ADGRB3: variants seen among roughly 807,000 people sequenced by gnomAD.
ADGRB3 encodes adhesion G protein-coupled receptor B3.
ADGRB3 carries 37 observed loss-of-function variants against 193.4 expected under a neutral mutation model. The observed-to-expected ratio is 0.19, with a 90% CI of 0.15 to 0.25. The LOEUF (loss-of-function observed/expected upper bound fraction) is 0.25. ADGRB3 is among the 10% of genes least tolerant of loss of function. The pLI is 1.00. For synonymous variants in ADGRB3, 690 were observed against 644.2 expected (o/e 1.07, Z -1.08); for missense variants, 1,637 against 1,852.9 (o/e 0.88, Z 2.14).
intron 17 of ADGRB3, among the ~76,000 whole-genome samples, chr6:69,224,681 A>G (rs899278388): frequency 6.6e-6 from 1 of 152,184 alleles, no homozygotes; most frequent in Admixed American, 6.5e-5. Context: ...ATCACATATA[A>G]TTGATCCATG....
intron 3 of ADGRB3, among the ~76,000 whole-genome samples, chr6:68,902,497 T>A (rs1382070791): frequency 1.3e-5 from 2 of 152,016 alleles, no homozygotes; most frequent in African/African-American, 4.8e-5. Context: ...GCTAGAAAAA[T>A]TTTAAAATGC....
At chr6:68,653,737 A>G (rs1056728214) in intron 3 of ADGRB3, among the ~76,000 whole-genome samples, 10 of 152,070 alleles carry the variant, frequency 6.6e-5, no homozygotes, top group Non-Finnish European at 1.2e-4. Flanking sequence ...CATGATTGTT[A>G]CAGAACTAAG....
At chr6:69,126,678 A>G (rs139048491) in intron 17 of ADGRB3, among the ~76,000 whole-genome samples, 3 of 152,222 alleles carry the variant, frequency 2.0e-5, no homozygotes, top group South Asian at 4.2e-4. Flanking sequence ...TTAAATGCCA[A>G]TCTCTTCCAG....
At chr6:69,063,149 A>G (rs894798393) in intron 16 of ADGRB3, 113 bp downstream of exon 16, 14 of 719,214 alleles carry the variant, frequency 1.9e-5, no homozygotes, top group Non-Finnish European at 3.0e-5. Flanking sequence ...TTGCAAATAT[A>G]TTAACTTGTT....
intron 3 of ADGRB3, among the ~76,000 whole-genome samples, chr6:68,904,048 A>G (rs1582301361): frequency 1.1e-5 from 1 of 91,182 alleles, no homozygotes. Context: ...GGAGGGAAGG[A>G]GGGAAGGAGG....
At chr6:69,070,724 G>A (rs530651085) in intron 16 of ADGRB3, among the ~76,000 whole-genome samples, 1 of 152,220 alleles carries the variant, frequency 6.6e-6, no homozygotes, top group African/African-American at 2.4e-5. Context: ...TACATTTTCA[G>A]TATGCATCCC....
chr6:68,834,678 G>C (rs1034007224), intron 3 of ADGRB3, among the ~76,000 whole-genome samples: 1 of 152,052 alleles, frequency 6.6e-6, no homozygotes, highest in Non-Finnish European at 1.5e-5. Flanking sequence ...AGTTAGTTTT[G>C]CTGGGTTTAT....
At chr6:69,041,311 G>C (rs1467332603) in intron 13 of ADGRB3, among the ~76,000 whole-genome samples, 2 of 151,560 alleles carry the variant, frequency 1.3e-5, no homozygotes, top group African/African-American at 4.9e-5. Context: ...ATTTTTCATA[G>C]ACATAAAGAT....
At chr6:69,018,111 T>C (rs1267444742) in intron 12 of ADGRB3, among the ~76,000 whole-genome samples, 1 of 151,934 alleles carries the variant, frequency 6.6e-6, no homozygotes, top group African/African-American at 2.4e-5. Flanking sequence ...AAAAGAAAAG[T>C]CGTCTATTTT....
At chr6:69,137,638 A>C in intron 17 of ADGRB3, among the ~76,000 whole-genome samples, 1 of 152,058 alleles carries the variant, frequency 6.6e-6, no homozygotes, top group East Asian at 1.9e-4. Flanking sequence ...CTCTACTAAA[A>C]ATACAAAAAT....
intron 3 of ADGRB3, among the ~76,000 whole-genome samples, chr6:68,676,407 A>G (rs79947127): frequency 0.24 from 36,127 of 148,218 alleles, 4,786 homozygotes; most frequent in East Asian, 0.51. Context: ...AAAAAAAAAA[A>G]AAAAGAAAAG....
In ADGRB3 at chr6:69,274,445, TTTCCTTCCTTCCTTCC is replaced by T; in HGVS notation, c.2814+35237_2814+35252del. ...GTTGTCTCTCACATTGGTGGTTGCA[TTTCCTTCCTTCCTTCC>T]TTCCTTCCTTCCTTCCTCCCTCCCT... On this transcript the variant is annotated intron_variant, in intron 20 of 31. Transcript: ENST00000370598. 2.4e-5 allele frequency among the ~76,000 whole-genome samples: 3 copies of T among 123,424 alleles called. No individual in the cohort carries two copies. The South Asian group carries it at 7.2e-4, about 30-fold the overall frequency. The allele number at this position is 123,424 out of a possible 152,430, so 81.0% of individuals were successfully genotyped here.
At chr6:69,324,280 T>C (rs1233248911) in intron 20 of ADGRB3, among the ~76,000 whole-genome samples, 3 of 152,194 alleles carry the variant, frequency 2.0e-5, no homozygotes, top group African/African-American at 7.2e-5. Context: ...TATAGAAGCA[T>C]TGTATTAAGT....
Position 68,808,356 on chromosome 6 carries a change from G to A in ADGRB3, c.758-122203G>A, listed in dbSNP as rs1282249937. 4.6e-5 allele frequency among the ~76,000 whole-genome samples: 7 copies of A among 151,558 alleles called. No homozygotes were observed. The East Asian group carries it at 5.8e-4, about 13-fold the overall frequency. ...CTCAGATACCATCGGAACAGTTCTCGGACTCACAGGCTTGTTACCTCTTTA... is the reference window on the plus strand; with the variant it reads ...CTCAGATACCATCGGAACAGTTCTCAGACTCACAGGCTTGTTACCTCTTTA... On this transcript the variant is annotated intron_variant, in intron 3 of 31. Coordinates refer to ENST00000370598, the MANE Select transcript of ADGRB3 (RefSeq NM_001704.3).
At chr6:68,650,131 T>C (rs1303592682) in intron 3 of ADGRB3, among the ~76,000 whole-genome samples, 2 of 152,184 alleles carry the variant, frequency 1.3e-5, no homozygotes, top group Non-Finnish European at 2.9e-5. Context: ...CGGAAATCAG[T>C]GTTTTATATT....
chr6:69,195,994 A>C (rs910234060), intron 17 of ADGRB3, among the ~76,000 whole-genome samples: 8 of 152,112 alleles, frequency 5.3e-5, no homozygotes, highest in Non-Finnish European at 1.0e-4. Context: ...CATAAATATC[A>C]TATCTTAGAT....
At chr6:69,038,407 A>G (rs537089614) in intron 13 of ADGRB3, among the ~76,000 whole-genome samples, 4 of 151,858 alleles carry the variant, frequency 2.6e-5, no homozygotes, top group Admixed American at 1.3e-4. Flanking sequence ...TACTTGGTTT[A>G]TTATCATCTA....
At chr6:68,923,452 TA>T (rs1246466014) in intron 3 of ADGRB3, among the ~76,000 whole-genome samples, 2 of 152,116 alleles carry the variant, frequency 1.3e-5, no homozygotes, top group African/African-American at 4.8e-5. Context: ...ACTCCACTTA[TA>T]TTTTTTTGGT....
chr6:68,736,665 A>T (rs1191257725), intron 3 of ADGRB3, among the ~76,000 whole-genome samples: 1 of 152,176 alleles, frequency 6.6e-6, no homozygotes, highest in Non-Finnish European at 1.5e-5. Flanking sequence ...GAGAATGAAG[A>T]TTAAATTTTG....
Sources: allele counts gnomAD v4.1 joint callset (sites outside exome capture counted in the v4.1 genomes callset), GRCh38; gene constraint gnomAD v4.1.1; transcripts MANE v1.5; gene names NCBI Gene and HGNC (gene_info 2026-07-23, HGNC 2026-07-21).